The following RNF144B variants were observed in gnomAD, a reference collection of about 807,000 sequenced individuals.
RNF144B encodes E3 ubiquitin-protein ligase RNF144B.
A neutral mutation model predicts 40.2 loss-of-function variants in RNF144B; 25 were observed. That is an observed-to-expected ratio of 0.62 (90% CI 0.45 to 0.87). The LOEUF (loss-of-function observed/expected upper bound fraction) is 0.87. Ranked by LOEUF, RNF144B falls within the 40% of genes least tolerant of loss-of-function variation. The pLI is 0.00. For synonymous variants in RNF144B, 145 were observed against 136.3 expected, an observed-to-expected ratio of 1.06 and a Z score of -0.44; for missense variants, 365 against 373.7, an observed-to-expected ratio of 0.98 and a Z score of 0.19.
chr6:18,409,850 G>A (rs934151279), intron 2 of RNF144B, among the ~76,000 whole-genome samples: 22 of 152,134 alleles, frequency 1.4e-4, no homozygotes, highest in South Asian at 2.1e-4. Flanking sequence ...GATTACAGGC[G>A]TGAGCCACTG....
rs1794783082 is a variant in RNF144B, at chr6:18,400,430, A to G, written c.165+731A>G. On this transcript the variant is annotated intron_variant, in intron 2 of 7. Coordinates refer to ENST00000259939, the MANE Select transcript of RNF144B (RefSeq NM_182757.4). The surrounding 1 kb of genome is among the most constrained non-coding windows in gnomAD (Gnocchi z 5.6). ...ATCTTCTACAATGTACATGATATAA[A>G]TTGTACTTTGTCATAGCTCCTTTTA... Among the ~76,000 whole-genome samples, 1 of 152,192 alleles carries G rather than the reference A, an allele frequency of 6.6e-6. No individual in the cohort carries two copies. Among genetic ancestry groups the G allele is most frequent in the South Asian group, 2.1e-4 (1 of 4,830 alleles).
intron 4 of RNF144B, among the ~76,000 whole-genome samples, chr6:18,440,891 CA>C (rs139900981): frequency 0.013 from 1,904 of 142,490 alleles, 28 homozygotes; most frequent in Non-Finnish European, 0.016. Context: ...CTAAATATAC[CA>C]AAAAAAAAAA....
intron 2 of RNF144B, among the ~76,000 whole-genome samples, chr6:18,426,680 T>C (rs1247681264): frequency 6.6e-6 from 1 of 151,416 alleles, no homozygotes; most frequent in Non-Finnish European, 1.5e-5. Context: ...CTTCTCTGGT[T>C]TTCTTTTTTC....
chr6:18,430,908 T>C (rs1329548601), intron 3 of RNF144B, among the ~76,000 whole-genome samples: 1 of 152,178 alleles, frequency 6.6e-6, no homozygotes, highest in Non-Finnish European at 1.5e-5. Flanking sequence ...CATTTTACTT[T>C]TGTGCATTAA....
rs1193191580 is a variant in RNF144B at position 18,457,692 on chromosome 6, T to C, written c.536+333T>C. On this transcript the variant is annotated intron_variant, in intron 5 of 7. Coordinates refer to ENST00000259939, the MANE Select transcript of RNF144B (RefSeq NM_182757.4). The surrounding 1 kb of genome is among the most constrained non-coding windows in gnomAD (Gnocchi z 5.1). ...TGCTCAGATACAGTATCTGCCTGTA[T>C]TGGTATATATCATTCTTGTTGCTTG... is the stretch of plus-strand genomic sequence containing the variant. 6.6e-6 allele frequency among the ~76,000 whole-genome samples: 1 copy of C among 152,146 alleles called. No homozygotes were observed. The highest frequency in any genetic ancestry group is 1.5e-5 in the Non-Finnish European group (1 of 68,024).
At chr6:18,429,252 T>C (rs1004160433) in intron 3 of RNF144B, among the ~76,000 whole-genome samples, 3 of 151,996 alleles carry the variant, frequency 2.0e-5, no homozygotes, top group African/African-American at 4.8e-5. Context: ...GAATGTATGA[T>C]AAAGGACTTA....
chr6:18,416,309 A>G lies in RNF144B; in HGVS notation c.166-11272A>G, dbSNP rs562859670. The stretch of plus-strand genomic sequence containing the variant: ...TGAGTGATTGAATTACTCAAATTGG[A>G]AGCAGATTTTTCCAACGCTAGTGCC... On this transcript the variant is annotated intron_variant, in intron 2 of 7. Coordinates refer to ENST00000259939, the MANE Select transcript of RNF144B (RefSeq NM_182757.4). The surrounding 1 kb of genome is among the most constrained non-coding windows in gnomAD (Gnocchi z 5.5). Among the ~76,000 whole-genome samples, 2 of 152,228 alleles carry G rather than the reference A, an allele frequency of 1.3e-5. No homozygotes were observed. The highest frequency in any genetic ancestry group is 4.1e-4 in the South Asian group (2 of 4,822).
Position 18,457,424 on chromosome 6 carries a change from C to T in RNF144B, c.536+65C>T, listed in dbSNP as rs925300113. On this transcript the variant is annotated intron_variant, in intron 5 of 7. Transcript: ENST00000259939. This position sits in a 1 kb window ranked among gnomAD's most constrained non-coding sequence, Gnocchi z 5.1. ...TTTCTTAGAAATTCAACATACCTTA[C>T]GTGTAGAAGGAGTTACGTTGTGATG... The T allele has an allele frequency of 3.4e-5, 41 of 1,213,432 alleles. 1 individual carries two copies. The highest frequency in any genetic ancestry group is 3.8e-4 in the Middle Eastern group (2 of 5,322). 75.2% of individuals were successfully genotyped at this position (1,213,432 alleles called of 1,614,324 possible). A position where few individuals can be genotyped will look rare whatever the true frequency, so the allele number is the denominator to read the frequency against.
intron 4 of RNF144B, among the ~76,000 whole-genome samples, chr6:18,439,973 A>G (rs1204261176): frequency 2.0e-5 from 3 of 152,096 alleles, no homozygotes; most frequent in African/African-American, 7.2e-5. Context: ...TTTGTTTTGT[A>G]TTTTTAATTT....
chr6:18,437,348 A>C (rs1758847252), intron 3 of RNF144B, among the ~76,000 whole-genome samples: 1 of 152,036 alleles, frequency 6.6e-6, no homozygotes, highest in Admixed American at 6.6e-5. Context: ...CTGAGGAGGG[A>C]GGATTGCTTG....
rs1758529390 is a variant in RNF144B, at chr6:18,425,433, C to T, written c.166-2148C>T. On this transcript the variant is annotated intron_variant, in intron 2 of 7. Transcript: ENST00000259939. This position sits in a 1 kb window ranked among gnomAD's most constrained non-coding sequence, Gnocchi z 4.2. ...GCTTTCACACTGTTTATTCATTTGTCCCCTGGCAAAACACTCCTTTTGGTG... is the reference window on the plus strand; with the variant it reads ...GCTTTCACACTGTTTATTCATTTGTTCCCTGGCAAAACACTCCTTTTGGTG... Among the ~76,000 whole-genome samples, 1 of 152,158 alleles carries T rather than the reference C, an allele frequency of 6.6e-6. No individual in the cohort carries two copies. The highest frequency in any genetic ancestry group is 2.4e-5 in the African/African-American group (1 of 41,428).
chr6:18,452,446 G>A (rs1759229593), intron 4 of RNF144B, among the ~76,000 whole-genome samples: 1 of 152,174 alleles, frequency 6.6e-6, no homozygotes, highest in African/African-American at 2.4e-5. Context: ...GAGAGGAAAA[G>A]CATAGGATGA....
rs111522721 is a variant in RNF144B at position 18,467,908 on chromosome 6, T to C, written c.*2841T>C. 1.7e-3 allele frequency: 258 copies of C among 152,360 alleles called. 6 individuals are homozygous for C. Among genetic ancestry groups the C allele is most frequent in the Non-Finnish European group, 3.0e-3 (203 of 68,060 alleles). The allele number at this position is 152,360 out of a possible 1,614,324, so 9.4% of individuals were successfully genotyped here. ...CACCCACCTTGGGCTCCCAAAGTGT[T>C]GGGATTACAGGTGTGTGTCACTGTG... On this transcript the variant is annotated 3_prime_UTR_variant, in exon 8 of 8. Coordinates refer to ENST00000259939, the MANE Select transcript of RNF144B (RefSeq NM_182757.4).
intron 3 of RNF144B, among the ~76,000 whole-genome samples, chr6:18,433,668 G>A (rs1758746943): frequency 6.6e-6 from 1 of 152,196 alleles, no homozygotes; most frequent in Admixed American, 6.5e-5. Context: ...GCCCTCTACA[G>A]TGGACTGCGA....
chr6:18,405,150 T>TTTATTATTATTATTA lies in RNF144B; in HGVS notation c.165+5463_165+5477dup, dbSNP rs71536790. On this transcript the variant is annotated intron_variant, in intron 2 of 7. Coordinates refer to ENST00000259939, the MANE Select transcript of RNF144B (RefSeq NM_182757.4). This position sits in a 1 kb window ranked among gnomAD's most constrained non-coding sequence, Gnocchi z 4.5. ...CTTGCTTGCAAGGTTAGTTTTTTTC[T>TTTATTATTATTATTA]TTATTATTATTATTATTATTATTAT... Among the ~76,000 whole-genome samples the TTTATTATTATTATTA allele has an allele frequency of 0.037, 5,354 of 146,164 alleles. 144 individuals carry two copies. Among genetic ancestry groups the TTTATTATTATTATTA allele is most frequent in the African/African-American group, 0.077 (3,068 of 39,816 alleles).
Position 18,465,323 on chromosome 6 carries a change from A to G in RNF144B, c.*256A>G, listed in dbSNP as rs1582453725. The G allele has an allele frequency of 1.0e-5, 5 of 494,008 alleles. No homozygotes were observed. The highest frequency in any genetic ancestry group is 1.8e-5 in the Non-Finnish European group (5 of 277,434). 30.6% of individuals were successfully genotyped at this position (494,008 alleles called of 1,614,324 possible). On this transcript the variant is annotated 3_prime_UTR_variant, in exon 8 of 8. Coordinates refer to ENST00000259939, the MANE Select transcript of RNF144B (RefSeq NM_182757.4). ...TTGGGGTTCCTTGAGATGAATGAAC[A>G]TATCATTTTATCATCCAAAGGATCT... is the stretch of plus-strand genomic sequence containing the variant.
At chr6:18,428,032 A>AAGGG (rs1393431343) in intron 3 of RNF144B, among the ~76,000 whole-genome samples, 1 of 152,122 alleles carries the variant, frequency 6.6e-6, no homozygotes, top group African/African-American at 2.4e-5. Flanking sequence ...CCCACGTGTC[A>AAGGG]AGGGTGGGAC....
intron 1 of RNF144B, among the ~76,000 whole-genome samples, chr6:18,390,618 T>G (rs1212834329): frequency 6.6e-6 from 1 of 152,242 alleles, no homozygotes; most frequent in Non-Finnish European, 1.5e-5. Flanking sequence ...CCCATTGTTT[T>G]CTAAATCTTT....
At chr6:18,431,663 A>G (rs16880717) in intron 3 of RNF144B, among the ~76,000 whole-genome samples, 47,199 of 152,196 alleles carry the variant, frequency 0.31, 8,516 homozygotes, top group East Asian at 0.51. Flanking sequence ...AATTCTGATT[A>G]AGCCTGGTTC....
Sources: gnomAD v4.1 joint callset for allele counts (sites outside exome capture counted in the v4.1 genomes callset) on GRCh38, gnomAD v4.1.1 for gene constraint, Gnocchi (gnomAD v3.1) non-coding constraint, MANE v1.5 for transcripts, NCBI Gene and HGNC (gene_info 2026-07-23, HGNC 2026-07-21) for gene names.